Variants in PTPRD observed in about 807,000 individuals in gnomAD.
PTPRD encodes the protein receptor-type tyrosine-protein phosphatase delta.
PTPRD carries 34 observed loss-of-function variants against 214.5 expected under a neutral mutation model. The observed-to-expected ratio is 0.16, with a 90% CI of 0.12 to 0.21. The LOEUF is 0.21. Ranked by LOEUF, PTPRD falls within the 10% of genes least tolerant of loss-of-function variation. PTPRD has a pLI of 1.00. For synonymous variants in PTPRD, 1,128 were observed against 845.7 expected (o/e 1.33, Z -5.79); for missense variants, 2,545 against 2,398.7 (o/e 1.06, Z -1.27).
intron 5 of PTPRD, among the ~76,000 whole-genome samples, chr9:9,878,393 G>C (rs16930472): frequency 0.015 from 2,312 of 152,230 alleles, 24 homozygotes; most frequent in South Asian, 0.032. Context: ...TATCGTGGGA[G>C]AATTATAGGG....
At chr9:8,773,968 C>A (rs555649265) in intron 11 of PTPRD, among the ~76,000 whole-genome samples, 1 of 152,306 alleles carries the variant, frequency 6.6e-6, no homozygotes, top group East Asian at 1.9e-4. Flanking sequence ...CTCCCTCTCT[C>A]CTGACTCCAA....
chr9:8,936,436 A>AAAAAAAAAG, intron 11 of PTPRD, among the ~76,000 whole-genome samples: 1 of 148,976 alleles, frequency 6.7e-6, no homozygotes, highest in Non-Finnish European at 1.5e-5. Flanking sequence ...CCAAAAAAAA[A>AAAAAAAAAG]AAAAAAAAAA....
chr9:8,875,398 C>A (rs906720068), intron 11 of PTPRD, among the ~76,000 whole-genome samples: 4 of 152,072 alleles, frequency 2.6e-5, no homozygotes, highest in African/African-American at 9.7e-5. Context: ...CATAGTGGCA[C>A]ATTCCTGTAG....
intron 11 of PTPRD, among the ~76,000 whole-genome samples, chr9:8,866,546 G>A (rs917467319): frequency 6.6e-6 from 1 of 152,086 alleles, no homozygotes; most frequent in Non-Finnish European, 1.5e-5. Context: ...TCATGATTAA[G>A]TACGTACTTT....
At chr9:10,286,675 G>T (rs2095365939) in intron 3 of PTPRD, among the ~76,000 whole-genome samples, 1 of 152,040 alleles carries the variant, frequency 6.6e-6, no homozygotes, top group South Asian at 2.1e-4. Flanking sequence ...TTGGCTCACT[G>T]CAGCCTCTGC....
intron 5 of PTPRD, among the ~76,000 whole-genome samples, chr9:9,850,195 C>A (rs376635999): frequency 6.6e-6 from 1 of 152,092 alleles, no homozygotes; most frequent in Admixed American, 6.6e-5. Context: ...GAATTTTAGC[C>A]TTTCTTTTTG....
At chr9:9,657,286 G>T (rs1430267671) in intron 7 of PTPRD, among the ~76,000 whole-genome samples, 1 of 151,120 alleles carries the variant, frequency 6.6e-6, no homozygotes, top group Non-Finnish European at 1.5e-5. Context: ...TAAAAAAAAA[G>T]GTCATGTCCT....
At chr9:9,453,635 T>C (rs1362436801) in intron 8 of PTPRD, among the ~76,000 whole-genome samples, 1 of 151,716 alleles carries the variant, frequency 6.6e-6, no homozygotes, top group African/African-American at 2.4e-5. Context: ...ATATGAGGTG[T>C]ATATGTTTGT....
chr9:9,691,440 T>C (rs1275838807), intron 7 of PTPRD, among the ~76,000 whole-genome samples: 1 of 152,076 alleles, frequency 6.6e-6, no homozygotes, highest in Non-Finnish European at 1.5e-5. Context: ...TCCAGTTCTA[T>C]CCATGTTGTT....
intron 7 of PTPRD, among the ~76,000 whole-genome samples, chr9:9,595,682 G>A (rs1455322407): frequency 6.6e-6 from 1 of 151,742 alleles, no homozygotes; most frequent in Non-Finnish European, 1.5e-5. Flanking sequence ...TCTAAGTGAA[G>A]TAACACAGGA....
At chr9:10,271,964 T>C (rs988110106) in intron 3 of PTPRD, among the ~76,000 whole-genome samples, 1 of 152,214 alleles carries the variant, frequency 6.6e-6, no homozygotes, top group Admixed American at 6.5e-5. Flanking sequence ...TTCATGAAGA[T>C]GAAATTTTTG....
At position 9,692,911 on chromosome 9, in the gene PTPRD, T is replaced by C. The variant is rs545521218; in HGVS notation, c.-287+41622A>G. ...TATTGTAAATGAGATTAATTTTTAT[T>C]TCTTTTTCATATTGTTCACTGTTGG... On this transcript the variant is annotated intron_variant, in intron 7 of 45. Coordinates refer to ENST00000381196, the MANE Select transcript of PTPRD (RefSeq NM_002839.4). 3.8e-4 allele frequency among the ~76,000 whole-genome samples: 58 copies of C among 152,148 alleles called. 1 individual carries two copies. In the East Asian group the frequency reaches 9.5e-3, roughly 25 times the overall value.
chr9:8,926,779 G>A (rs1197486970), intron 11 of PTPRD, among the ~76,000 whole-genome samples: 1 of 152,156 alleles, frequency 6.6e-6, no homozygotes, highest in Non-Finnish European at 1.5e-5. Flanking sequence ...ATCTCTTCTT[G>A]ATAATTCTTT....
intron 2 of PTPRD, among the ~76,000 whole-genome samples, chr9:10,584,222 C>G (rs1222544168): frequency 2.6e-5 from 4 of 151,846 alleles, no homozygotes; most frequent in Non-Finnish European, 5.9e-5. Context: ...AGGCTCTTAT[C>G]TCTTTCTTCC....
At chr9:8,676,378 A>G (rs1442522451) in intron 12 of PTPRD, among the ~76,000 whole-genome samples, 1 of 111,634 alleles carries the variant, frequency 9.0e-6, no homozygotes, top group African/African-American at 3.4e-5. Flanking sequence ...GCTCATTTTC[A>G]TTTTTTTTTT....
intron 10 of PTPRD, among the ~76,000 whole-genome samples, chr9:9,137,753 T>G (rs2099853237): frequency 6.6e-6 from 1 of 152,166 alleles, no homozygotes; most frequent in Non-Finnish European, 1.5e-5. Context: ...CTCTGACAGT[T>G]GTATATTACA....
chr9:9,313,218 T>TA (rs1431498422), intron 9 of PTPRD, among the ~76,000 whole-genome samples: 1 of 152,104 alleles, frequency 6.6e-6, no homozygotes, highest in Admixed American at 6.6e-5. Flanking sequence ...CTGATGATGT[T>TA]AAATGAGGAC....
intron 5 of PTPRD, among the ~76,000 whole-genome samples, chr9:9,851,641 G>A (rs555761139): frequency 1.4e-4 from 21 of 152,270 alleles, no homozygotes; most frequent in Admixed American, 9.8e-4. Context: ...TTAGCTGGGC[G>A]TTGTGGTGCA....
intron 8 of PTPRD, among the ~76,000 whole-genome samples, chr9:9,515,630 C>T (rs1167647362): frequency 6.6e-6 from 1 of 151,256 alleles, no homozygotes; most frequent in Non-Finnish European, 1.5e-5. Flanking sequence ...TATGGAAAAA[C>T]ATGAAGAAAT....
Sources: allele counts gnomAD v4.1 joint callset (sites outside exome capture counted in the v4.1 genomes callset), GRCh38; gene constraint gnomAD v4.1.1; transcripts MANE v1.5; gene names NCBI Gene and HGNC (gene_info 2026-07-23, HGNC 2026-07-21).